The following NFATC1 variants were observed in gnomAD, a reference collection of about 807,000 sequenced individuals.
NFATC1 encodes nuclear factor of activated T-cells, cytoplasmic 1.
A neutral mutation model predicts 76.0 loss-of-function variants in NFATC1; 22 were observed. That is an observed-to-expected ratio of 0.29 (90% CI 0.21 to 0.41). The LOEUF (loss-of-function observed/expected upper bound fraction) is 0.41, where lower values mean the gene tolerates loss of function less well. NFATC1 is among the 10% of genes least tolerant of loss of function. The pLI is 1.00. For missense variants in NFATC1, 1,357 were observed against 1,337.7 expected, an observed-to-expected ratio of 1.01 and a Z score of -0.23; for synonymous variants, 704 against 613.1, an observed-to-expected ratio of 1.15 and a Z score of -2.19.
chr18:79,498,731 T>C (rs1046835958), intron 9 of NFATC1, among the ~76,000 whole-genome samples: 2 of 152,162 alleles, frequency 1.3e-5, no homozygotes, highest in African/African-American at 4.8e-5. Flanking sequence ...TAAACCAAAC[T>C]GTTGAAAGTC....
intron 2 of NFATC1, among the ~76,000 whole-genome samples, chr18:79,424,635 CTCTCTGTCTCTCTTTCCG>C (rs1470019047): frequency 2.0e-5 from 3 of 151,324 alleles, no homozygotes; most frequent in Non-Finnish European, 4.4e-5. Context: ...CTCCGTCTGT[CTCTCTGTCTCTCTTTCCG>C]TCTCTGTCTC....
chr18:79,472,087 G>A (rs2088810454), intron 8 of NFATC1, among the ~76,000 whole-genome samples: 1 of 152,144 alleles, frequency 6.6e-6, no homozygotes, highest in African/African-American at 2.4e-5. Context: ...GGGAGCCGGG[G>A]TCCTGTGGCC....
chr18:79,515,474 T>TGGGGGCTCGGA (rs2090357386), intron 9 of NFATC1, among the ~76,000 whole-genome samples: 2 of 150,882 alleles, frequency 1.3e-5, no homozygotes, highest in Non-Finnish European at 3.0e-5. Flanking sequence ...TGGTGGTGGA[T>TGGGGGCTCGGA]GGGGGCTCGG....
In NFATC1 at chr18:79,461,350, G is replaced by C; in HGVS notation, c.1943G>C (p.Arg648Pro). The change falls in exon 7 of 10, where the codon CGG becomes CCG. Residue 648 changes from arginine to proline, a missense_variant. Arg to Pro is a moderately radical substitution (Grantham distance 103). Transcript: ENST00000427363. ...HVWEMEAKTD[R>P]DLCKPNSLVV... is the part of the protein sequence containing the mutation. ...TGGGAGATGGAAGCGAAAACTGACC[G>C]GGACCTGTGCAAGCCGGTGAGTGCC... The C allele has an allele frequency of 6.7e-7, 1 of 1,489,700 alleles. No individual in the cohort carries two copies. Among genetic ancestry groups the C allele is most frequent in the Non-Finnish European group, 8.8e-7 (1 of 1,131,306 alleles). 92.3% of individuals were successfully genotyped at this position (1,489,700 alleles called of 1,614,324 possible). A position where few individuals can be genotyped will look rare whatever the true frequency, so the allele number is the denominator to read the frequency against.
chr18:79,492,396 C>T (rs2089706293), intron 9 of NFATC1, among the ~76,000 whole-genome samples: 1 of 152,138 alleles, frequency 6.6e-6, no homozygotes, highest in African/African-American at 2.4e-5. Context: ...AACCCCATCT[C>T]TACTAAAAAT....
At chr18:79,449,013 G>GC (rs764689900) in intron 4 of NFATC1, 29 bp downstream of exon 4, 2 of 1,607,366 alleles carry the variant, frequency 1.2e-6, no homozygotes, top group Non-Finnish European at 1.7e-6. Context: ...CCGGCCTCTG[G>GC]CAGGGGGCGG....
chr18:79,523,330 T>G (rs112265209), intron 9 of NFATC1, among the ~76,000 whole-genome samples: 6 of 152,258 alleles, frequency 3.9e-5, no homozygotes, highest in African/African-American at 1.4e-4. Context: ...GCCCTCATCA[T>G]TCCCAGCATA....
intron 4 of NFATC1, among the ~76,000 whole-genome samples, chr18:79,450,193 G>A (rs1434146182): frequency 6.6e-6 from 1 of 152,186 alleles, no homozygotes; most frequent in Admixed American, 6.5e-5. Context: ...CGGGGAGTCT[G>A]TGTTTATTCT....
chr18:79,482,511 C>T (rs2089319286), intron 8 of NFATC1, among the ~76,000 whole-genome samples: 1 of 146,936 alleles, frequency 6.8e-6, no homozygotes, highest in African/African-American at 2.5e-5. Context: ...GGGTGTCATT[C>T]CAGCGTGACC....
Position 79,411,355 on chromosome 18 carries a change from C to T in NFATC1, c.1080C>T (p.Pro360=), listed in dbSNP as rs2148190647. ...CCGTCGGGGAGGACCTGGGCAGCCC[C>T]CCGCCCCCGGCCGACTTCGCGCCCG... ...VEPVGEDLGS[P]PPPADFAPED... Residue 360 remains proline, a synonymous_variant, in exon 2 of 10, where the codon CCC becomes CCT. Transcript: ENST00000427363. The T allele has an allele frequency of 2.5e-6, 4 of 1,591,374 alleles. No individual in the cohort carries two copies. The highest frequency in any genetic ancestry group is 2.2e-5 in the East Asian group (1 of 44,694).
chr18:79,469,351 G>C (rs2088679649), intron 8 of NFATC1: 1 of 985,470 alleles, frequency 1.0e-6, no homozygotes, highest in Non-Finnish European at 1.2e-6. Flanking sequence ...GTGGGTTTGA[G>C]CAGCACTGAC....
At chr18:79,478,252 C>A (rs1240610239) in intron 8 of NFATC1, among the ~76,000 whole-genome samples, 1 of 152,002 alleles carries the variant, frequency 6.6e-6, no homozygotes, top group East Asian at 1.9e-4. Flanking sequence ...TTGCTCATGC[C>A]GATTTTTATT....
chr18:79,446,957 G>C lies in NFATC1; in HGVS notation c.1387-1825G>C, dbSNP rs571207167. On this transcript the variant is annotated intron_variant, in intron 3 of 9. Coordinates refer to ENST00000427363, the MANE Select transcript of NFATC1 (RefSeq NM_001278669.2). ...ATGTCTCAGCTGGGACCTGGGTCCC[G>C]GCTCAGCCTCACGCGGCGTCCCAGT... Among the ~76,000 whole-genome samples, 7 of 152,324 alleles carry C rather than the reference G, an allele frequency of 4.6e-5. No individual in the cohort carries two copies. The East Asian group carries it at 9.6e-4, about 21-fold the overall frequency.
rs2058124659 is a variant in NFATC1 at position 79,524,680 on chromosome 18, CG to C, written c.2783-2847del. On this transcript the variant is annotated intron_variant, in intron 9 of 9. Coordinates refer to ENST00000427363, the MANE Select transcript of NFATC1 (RefSeq NM_001278669.2). The surrounding 1 kb of genome is among the most constrained non-coding windows in gnomAD (Gnocchi z 7.2). ...CCTCCCCTCCCGAGAGCTCAGCAGC[CG>C]CAGACCCAGGCAGAGAGAGCAAAGG... 6.6e-6 allele frequency among the ~76,000 whole-genome samples: 1 copy of C among 152,096 alleles called. No homozygotes were observed.
rs536144792 is a variant in NFATC1 at position 79,482,355 on chromosome 18, G to A, written c.2093-3893G>A. 2.9e-5 allele frequency among the ~76,000 whole-genome samples: 4 copies of A among 138,406 alleles called. No homozygotes were observed. In the Admixed American group the frequency reaches 2.9e-4, roughly 10 times the overall value. 90.8% of individuals were successfully genotyped at this position (138,406 alleles called of 152,430 possible). ...CATTCCAGCGTGACCTGGTCCTGGG[G>A]TGTCATTCCAGTGTGACGTGGTCCT... On this transcript the variant is annotated intron_variant, in intron 8 of 9. Transcript: ENST00000427363.
intron 9 of NFATC1, among the ~76,000 whole-genome samples, chr18:79,501,605 C>A: frequency 9.8e-6 from 1 of 101,528 alleles, no homozygotes; most frequent in Non-Finnish European, 1.9e-5. Context: ...TGCCTACACC[C>A]CACCCCCCCT....
rs61117381 is a variant in NFATC1 at position 79,468,177 on chromosome 18, C to CA, written c.2092+610dup. 754 of 132,796 alleles carry CA rather than the reference C, an allele frequency of 5.7e-3. 3 individuals are homozygous for CA. Among genetic ancestry groups the CA allele is most frequent in the East Asian group, 0.022 (98 of 4,528 alleles). 8.2% of individuals were successfully genotyped at this position (132,796 alleles called of 1,614,324 possible). A position where few individuals can be genotyped will look rare whatever the true frequency, so the allele number is the denominator to read the frequency against. ...TGGGAATGGCTCCTTTTCACTCATACAAAAAAAAAAAAAAATCATCTTACC... is the reference window on the plus strand; with the variant it reads ...TGGGAATGGCTCCTTTTCACTCATACAAAAAAAAAAAAAAAATCATCTTACC... On this transcript the variant is annotated intron_variant, in intron 8 of 9. Coordinates refer to ENST00000427363, the MANE Select transcript of NFATC1 (RefSeq NM_001278669.2).
At chr18:79,404,977 A>G (rs1040849913) in intron 1 of NFATC1, among the ~76,000 whole-genome samples, 12 of 152,228 alleles carry the variant, frequency 7.9e-5, no homozygotes, top group Non-Finnish European at 1.8e-4. Flanking sequence ...GTGGTTCTGA[A>G]GTGAATTATT....
intron 9 of NFATC1, among the ~76,000 whole-genome samples, chr18:79,490,087 C>A (rs960560327): frequency 2.6e-5 from 4 of 151,446 alleles, no homozygotes; most frequent in Non-Finnish European, 5.9e-5. Context: ...GTGGCCTGAT[C>A]TCCCCCCCGC....
Sources: gnomAD v4.1 joint callset for allele counts (sites outside exome capture counted in the v4.1 genomes callset) on GRCh38, gnomAD v4.1.1 for gene constraint, Gnocchi (gnomAD v3.1) non-coding constraint, MANE v1.5 for transcripts, NCBI Gene and HGNC (gene_info 2026-07-23, HGNC 2026-07-21) for gene names.